ERCC4: variants seen among roughly 807,000 people sequenced by gnomAD.
ERCC4 encodes the protein ERCC excision repair 4, endonuclease catalytic subunit.
A neutral mutation model predicts 76.9 loss-of-function variants in ERCC4; 65 were observed. The ratio of observed to expected loss-of-function variants is 0.84; its 90% CI spans 0.69 to 1.04. The LOEUF (loss-of-function observed/expected upper bound fraction) is 1.04, where lower values mean the gene tolerates loss of function less well. Ranked by LOEUF, ERCC4 falls within the 50% of genes least tolerant of loss-of-function variation. The probability of loss-of-function intolerance (pLI) is 0.00; values close to 1 mark genes in which losing one functional copy is unlikely to be tolerated. For missense variants in ERCC4, 1,214 were observed against 1,128.2 expected (o/e 1.08, Z -1.09); for synonymous variants, 463 against 410.1 (o/e 1.13, Z -1.56).
chr16:13,922,718 T>G, intron 2 of ERCC4: 1 of 362,194 alleles, frequency 2.8e-6, no homozygotes, highest in Non-Finnish European at 5.2e-6. Flanking sequence ...TTCTACATTT[T>G]TATTTTTGTC....
chr16:13,931,424 C>T (rs1234842388), intron 5 of ERCC4: 1 of 160,408 alleles, frequency 6.2e-6, no homozygotes, highest in Non-Finnish European at 1.4e-5. Context: ...AGATTTAATA[C>T]AGTTAATAAT....
At chr16:13,944,223 G>A (rs1468643972) in intron 9 of ERCC4, 2 of 156,072 alleles carry the variant, frequency 1.3e-5, no homozygotes, top group South Asian at 1.9e-4. Flanking sequence ...AAAACTCAGG[G>A]TGTTTAATGG....
In ERCC4 at chr16:13,920,345, G is replaced by T; in HGVS notation, c.180G>T (p.Leu60=). 1 of 1,594,506 alleles carries T rather than the reference G, an allele frequency of 6.3e-7. No homozygotes were observed. ...QLHCHPACLV[L]VLNTQPAEEE... is the part of the protein sequence containing the mutation. The stretch of plus-strand genomic sequence containing the variant: ...ACTGCCACCCAGCCTGCCTGGTGCT[G>T]GTGCTCAACACGCAGCCGGCCGAGG... Residue 60 remains leucine (L), a synonymous_variant, in exon 1 of 11, where the codon CTG becomes CTT. Transcript: ENST00000311895.
intron 10 of ERCC4, among the ~76,000 whole-genome samples, chr16:13,947,041 C>T (rs1331610004): frequency 2.6e-5 from 4 of 152,168 alleles, no homozygotes; most frequent in Non-Finnish European, 5.9e-5. Flanking sequence ...GGATCACAGG[C>T]GTGAGCCACC....
Position 13,930,717 on chromosome 16 carries a change from G to A in ERCC4, c.800G>A (p.Arg267His), listed in dbSNP as rs143479220. ...ATTTTATTCTTGTTTTAGACAATCC[G>A]CCATTATCTGGATCCTTTGTGGCAC... Reference protein sequence around the residue: ...AIGKPFDKTIRHYLDPLWHQL... With the variant: ...AIGKPFDKTIHHYLDPLWHQL... The change falls in exon 5 of 11, where the codon CGC becomes CAC. Residue 267 changes from arginine to histidine, a missense_variant. Coordinates refer to ENST00000311895, the MANE Select transcript of ERCC4 (RefSeq NM_005236.3). 1.7e-5 allele frequency: 27 copies of A among 1,612,546 alleles called. No homozygotes were observed. The highest frequency in any genetic ancestry group is 4.0e-5 in the African/African-American group (3 of 74,838).
chr16:13,935,278 T>G lies in ERCC4; in HGVS notation c.1346T>G (p.Val449Gly), dbSNP rs1387660737. The change falls in exon 8 of 11, where the codon GTC (valine) becomes GGC (glycine). Residue 449 changes from valine (V) to glycine (G), a missense_variant. Physicochemically the swap from Val to Gly is moderately radical, Grantham distance 109 (BLOSUM62 -3). Transcript: ENST00000311895. ...GAGAAGGATAGCAAAGCTGAAGAAG[T>G]CTGGATGAAATTTAGGAAGGAAGAC... ...TFEKDSKAEEVWMKFRKEDSS... is the reference protein window; with the variant it reads ...TFEKDSKAEEGWMKFRKEDSS... 1.2e-6 allele frequency: 2 copies of G among 1,613,938 alleles called. No individual in the cohort carries two copies. Among genetic ancestry groups the G allele is most frequent in the East Asian group, 4.5e-5 (2 of 44,876 alleles).
chr16:13,937,530 C>T (rs1177862008), intron 8 of ERCC4, among the ~76,000 whole-genome samples: 2 of 152,226 alleles, frequency 1.3e-5, no homozygotes, highest in Non-Finnish European at 2.9e-5. Context: ...TACCTAAACT[C>T]GTTTCTTCCT....
intron 10 of ERCC4, among the ~76,000 whole-genome samples, chr16:13,946,314 G>A (rs1024564909): frequency 6.6e-6 from 1 of 152,236 alleles, no homozygotes; most frequent in Admixed American, 6.5e-5. Context: ...CACAAAGCTA[G>A]ACGGTCTAGC....
At chr16:13,932,391 C>A in intron 6 of ERCC4, 106 bp downstream of exon 6, 1 of 1,011,822 alleles carries the variant, frequency 9.9e-7, no homozygotes. Flanking sequence ...AAAGTGTGTT[C>A]CTTGAAGATA....
rs746495968 is a variant in ERCC4 at position 13,937,759 on chromosome 16, C to T, written c.1812-7C>T. The T allele has an allele frequency of 1.3e-6, 2 of 1,588,068 alleles. No individual in the cohort carries two copies. The highest frequency in any genetic ancestry group is 1.7e-6 in the Non-Finnish European group (2 of 1,156,304). On this transcript the variant is annotated splice_region_variant and splice_polypyrimidine_tract_variant and intron_variant, in intron 8 of 10. Transcript: ENST00000311895. Reference sequence around the variant, plus strand: ...TTCCAACCTAAAAGTTCTGTCTTAACATGCAGGGTTTACTTTCTTATATAC... The same window carrying T: ...TTCCAACCTAAAAGTTCTGTCTTAATATGCAGGGTTTACTTTCTTATATAC...
intron 10 of ERCC4, among the ~76,000 whole-genome samples, chr16:13,946,397 C>T (rs2032514130): frequency 6.6e-6 from 1 of 152,220 alleles, no homozygotes; most frequent in Non-Finnish European, 1.5e-5. Flanking sequence ...TGTTACTGTA[C>T]TGAATACTCT....
rs2020961 is a variant in ERCC4, at chr16:13,926,675, C to G, written c.503C>G (p.Ala168Gly). The change falls in exon 3 of 11, where the codon GCT (alanine) becomes GGT (glycine). Residue 168 changes from alanine to glycine, a missense_variant. Transcript: ENST00000311895. ...RGFIKAFTDN[A>G]VAFDTGFCHV... Reference sequence around the variant, plus strand: ...TTTATTAAAGCTTTCACAGACAATGCTGTTGCCTTTGATACTGGTTTTTGT... The same window carrying G: ...TTTATTAAAGCTTTCACAGACAATGGTGTTGCCTTTGATACTGGTTTTTGT... 147 of 1,613,946 alleles carry G rather than the reference C, an allele frequency of 9.1e-5. No individual in the cohort carries two copies. The African/African-American group carries it at 1.6e-3, about 17-fold the overall frequency.
chr16:13,920,517 A>G, intron 1 of ERCC4, 145 bp downstream of exon 1: 1 of 755,992 alleles, frequency 1.3e-6, no homozygotes, highest in Admixed American at 2.1e-5. Context: ...GAAGGATGGC[A>G]GGGGTCCCCA....
intron 2 of ERCC4, chr16:13,922,666 CT>C (rs1170875795): frequency 2.1e-6 from 1 of 471,292 alleles, no homozygotes. Flanking sequence ...GTTGTCCTTT[CT>C]TTTCTTTGTC....
chr16:13,941,898 A>G (rs569216965), intron 9 of ERCC4, among the ~76,000 whole-genome samples: 30 of 152,298 alleles, frequency 2.0e-4, no homozygotes, highest in African/African-American at 5.8e-4. Context: ...CTATGTTGCC[A>G]TAGGATTATG....
intron 9 of ERCC4, among the ~76,000 whole-genome samples, chr16:13,938,112 A>G (rs2032341513): frequency 6.6e-6 from 1 of 152,076 alleles, no homozygotes; most frequent in Admixed American, 6.6e-5. Context: ...AAATGTGACA[A>G]AGACAACTGC....
chr16:13,947,638 AG>A lies in ERCC4; in HGVS notation c.2043del (p.Gln681HisfsTer4). 6.2e-7 allele frequency: 1 copy of A among 1,614,222 alleles called. No individual in the cohort carries two copies. Among genetic ancestry groups the A allele is most frequent in the Non-Finnish European group, 8.5e-7 (1 of 1,180,036 alleles). On this transcript the variant is annotated frameshift_variant, in exon 11 of 11. Transcript: ENST00000311895. LOFTEE classifies it high-confidence loss of function. ...KAGGQEQNGT[Q>X]QSIVVDMREF... ...GGTGGCCAGGAACAGAATGGTACAC[AG>A]CAAAGCATAGTTGTGGATATGCGTG... is the stretch of plus-strand genomic sequence containing the variant.
At chr16:13,930,644 T>C in intron 4 of ERCC4, 66 bp from the exon 5 acceptor site, 1 of 1,161,692 alleles carries the variant, frequency 8.6e-7, no homozygotes, top group South Asian at 1.3e-5. Flanking sequence ...TTTGAAAGTA[T>C]GATTTGTATT....
chr16:13,940,588 A>G (rs1387592948), intron 9 of ERCC4, among the ~76,000 whole-genome samples: 1 of 152,178 alleles, frequency 6.6e-6, no homozygotes, highest in Non-Finnish European at 1.5e-5. Context: ...TTGAGTCCCC[A>G]CATTTTTACT....
Sources: gnomAD v4.1 joint callset for allele counts (sites outside exome capture counted in the v4.1 genomes callset) on GRCh38, gnomAD v4.1.1 for gene constraint, MANE v1.5 for transcripts, NCBI Gene and HGNC (gene_info 2026-07-23, HGNC 2026-07-21) for gene names.